PAPOLG: variants seen among roughly 807,000 people sequenced by gnomAD.
PAPOLG encodes the protein PAP-gamma.
In PAPOLG, 40 loss-of-function variants were observed where a neutral mutation model predicts 99.0. The ratio of observed to expected loss-of-function variants is 0.40; its 90% CI spans 0.31 to 0.53. The LOEUF is 0.53. Among genes scored for constraint, PAPOLG ranks in the 20% least tolerant of loss-of-function variants. The probability of loss-of-function intolerance (pLI) is 0.41; values close to 1 mark genes in which losing one functional copy is unlikely to be tolerated. For missense variants in PAPOLG, 675 were observed against 884.1 expected (o/e 0.76, Z 3.00); for synonymous variants, 310 against 299.3 (o/e 1.04, Z -0.37).
chr2:60,764,417 A>C (rs1013381750), intron 3 of PAPOLG, among the ~76,000 whole-genome samples: 1 of 140,340 alleles, frequency 7.1e-6, no homozygotes, highest in African/African-American at 2.6e-5. Context: ...ACAACTGCAG[A>C]TTTTTTTTTT....
At chr2:60,782,587 G>A (rs1671223357) in intron 11 of PAPOLG, 99 bp from the exon 12 acceptor site, 8 of 1,354,006 alleles carry the variant, frequency 5.9e-6, no homozygotes, top group African/African-American at 1.6e-5. Flanking sequence ...TTCGTCTGGT[G>A]GAGTTTGAGA....
At chr2:60,770,874 T>C (rs913435614) in intron 6 of PAPOLG, among the ~76,000 whole-genome samples, 2 of 152,126 alleles carry the variant, frequency 1.3e-5, no homozygotes, top group African/African-American at 2.4e-5. Flanking sequence ...CCGCCCACCT[T>C]GGCCTCCCAA....
chr2:60,770,665 C>G (rs1670825797), intron 6 of PAPOLG, among the ~76,000 whole-genome samples, 154 bp downstream of exon 6: 1 of 151,120 alleles, frequency 6.6e-6, no homozygotes, highest in South Asian at 2.1e-4. Context: ...ACTCTATGGC[C>G]AAGGCTGGAG....
At position 60,794,741 on chromosome 2, in the gene PAPOLG, C is replaced by T; in HGVS notation, c.2021C>T (p.Pro674Leu). Residue 674 changes from proline to leucine, a missense_variant, in exon 20 of 22, where the codon CCC becomes CTC. Physicochemically the swap from Pro to Leu is moderately conservative, Grantham distance 98. Around this residue, in one of 3 missense-constraint regions of PAPOLG, gnomAD observed 413 missense variants for 460.5 expected, o/e 0.90. Transcript: ENST00000238714. ...CGACTTGAATCAACATTTAAGGACC[C>T]CCGCACTGCTGAAGAAAGAAAAAGA... is the stretch of plus-strand genomic sequence containing the variant. ...FIRLESTFKD[P>L]RTAEERKRKS... The T allele has an allele frequency of 1.9e-6, 3 of 1,611,012 alleles. No individual in the cohort carries two copies. The highest frequency in any genetic ancestry group is 2.5e-6 in the Non-Finnish European group (3 of 1,177,468).
chr2:60,780,903 T>C (rs547241431), intron 10 of PAPOLG, 124 bp downstream of exon 10: 2 of 711,054 alleles, frequency 2.8e-6, no homozygotes, highest in South Asian at 1.8e-5. Flanking sequence ...TATAGTCCCC[T>C]TCCTCCTTCT....
intron 19 of PAPOLG, chr2:60,794,413 G>A (rs1401779862): frequency 3.3e-6 from 2 of 597,582 alleles, no homozygotes; most frequent in African/African-American, 3.7e-5. Flanking sequence ...ATTTACAGAA[G>A]TCATTACTGA....
intron 15 of PAPOLG, among the ~76,000 whole-genome samples, chr2:60,790,183 T>TA (rs1671487343): frequency 6.6e-6 from 1 of 152,196 alleles, no homozygotes. Flanking sequence ...ATCTGCAACT[T>TA]AAACAAGCAC....
intron 7 of PAPOLG, among the ~76,000 whole-genome samples, chr2:60,772,339 C>T (rs192352921): frequency 6.6e-6 from 1 of 151,264 alleles, no homozygotes; most frequent in Non-Finnish European, 1.5e-5. Context: ...TCCAGCTACT[C>T]AGGAGGCTGA....
intron 4 of PAPOLG, 93 bp from the exon 5 acceptor site, chr2:60,768,688 T>A: frequency 7.4e-7 from 1 of 1,358,590 alleles, no homozygotes; most frequent in Non-Finnish European, 1.0e-6. Context: ...GTACTCAACT[T>A]CCATACTTTC....
Position 60,779,681 on chromosome 2 carries a change from T to C in PAPOLG, c.739T>C (p.Ser247Pro). ...SNMLGFLGGV[S>P]WAMLVARTCQ... is the part of the protein sequence containing the mutation. ...CATGCTAGGATTCCTTGGTGGTGTC[T>C]CCTGGGCAATGCTAGTTGCAAGAAC... The change falls in exon 9 of 22, where the codon TCC (serine) becomes CCC (proline). Residue 247 changes from serine to proline, a missense_variant. Physicochemically the swap from Ser to Pro is moderately conservative, Grantham distance 74 (BLOSUM62 -1). This residue lies in a region of PAPOLG where 113 missense variants were observed against 231.5 expected (regional missense o/e 0.49). Coordinates refer to ENST00000238714, the MANE Select transcript of PAPOLG (RefSeq NM_022894.4). The C allele has an allele frequency of 6.2e-7, 1 of 1,613,716 alleles. No individual in the cohort carries two copies. The highest frequency in any genetic ancestry group is 1.1e-5 in the South Asian group (1 of 91,070).
At chr2:60,788,287 C>CT (rs754209232) in intron 15 of PAPOLG, among the ~76,000 whole-genome samples, 86 of 152,128 alleles carry the variant, frequency 5.7e-4, no homozygotes, top group African/African-American at 2.0e-3. Context: ...CTCTTCAACG[C>CT]TTTAAGTTTT....
chr2:60,779,600 G>A lies in PAPOLG; in HGVS notation c.695-37G>A, dbSNP rs752461093. Reference sequence around the variant, plus strand: ...AAAAAAAGAATGTCACAGATAGTAGGTCCTAATAATAATTAACAAATATAT... The same window carrying A: ...AAAAAAAGAATGTCACAGATAGTAGATCCTAATAATAATTAACAAATATAT... On this transcript the variant is annotated intron_variant, in intron 8 of 21. Coordinates refer to ENST00000238714, the MANE Select transcript of PAPOLG (RefSeq NM_022894.4). 3.2e-6 allele frequency: 5 copies of A among 1,584,000 alleles called. No individual in the cohort carries two copies. In the South Asian group the frequency reaches 4.6e-5, roughly 14 times the overall value.
intron 11 of PAPOLG, among the ~76,000 whole-genome samples, chr2:60,782,354 G>C (rs1237155309): frequency 2.6e-5 from 4 of 152,054 alleles, no homozygotes; most frequent in African/African-American, 9.7e-5. Flanking sequence ...ATGACCTGAG[G>C]TCAGGAGTTC....
chr2:60,768,796 C>A lies in PAPOLG; in HGVS notation c.344C>A (p.Ala115Glu). Residue 115 changes from alanine to glutamate, a missense_variant, in exon 5 of 22, where the codon GCA becomes GAA. Ala to Glu is a moderately radical substitution (Grantham distance 107). This residue lies in a region of PAPOLG where 149 missense variants were observed against 192.1 expected (regional missense o/e 0.78). Transcript: ENST00000238714. ...GVHTKGADID[A>E]LCVAPRHVER... The stretch of plus-strand genomic sequence containing the variant: ...TAATTTACAGGAGCTGACATTGATG[C>A]ACTTTGTGTAGCTCCAAGACATGTG... 1 of 1,568,464 alleles carries A rather than the reference C, an allele frequency of 6.4e-7. No homozygotes were observed.
intron 19 of PAPOLG, 149 bp downstream of exon 19, chr2:60,794,340 C>T: frequency 2.4e-6 from 2 of 833,036 alleles, no homozygotes; most frequent in Non-Finnish European, 3.6e-6. Context: ...ATTAATTGCT[C>T]ATCCTAAATT....
In PAPOLG at chr2:60,782,756, C is replaced by G; in HGVS notation, c.1098C>G (p.Phe366Leu). The part of the protein sequence containing the change: ...DWSKLLEPPN[F>L]FQKYRHYIVL... ...CCAAACTACTTGAGCCACCGAATTT[C>G]TTTCAAAAGTATAGGTACGTGAAAT... The change falls in exon 12 of 22, where the codon TTC becomes TTG. Residue 366 changes from phenylalanine (F) to leucine (L), a missense_variant. By Grantham distance (22) the Phe-to-Leu change is conservative. Around this residue, in one of 3 missense-constraint regions of PAPOLG, gnomAD observed 413 missense variants for 460.5 expected, o/e 0.90. Coordinates refer to ENST00000238714, the MANE Select transcript of PAPOLG (RefSeq NM_022894.4). The G allele has an allele frequency of 7.0e-7, 1 of 1,426,034 alleles. No homozygotes were observed. The highest frequency in any genetic ancestry group is 9.2e-7 in the Non-Finnish European group (1 of 1,085,240). The allele number at this position is 1,426,034 out of a possible 1,614,324, so 88.3% of individuals were successfully genotyped here. A position where few individuals can be genotyped will look rare whatever the true frequency, so the allele number is the denominator to read the frequency against.
rs1230310785 is a variant in PAPOLG at position 60,794,081 on chromosome 2, G to A, written c.1879G>A (p.Gly627Arg). Reference sequence around the variant, plus strand: ...CACAACACCTCACAACCCTGCCCAGGGACAACCGCATCTGAATGGAATGTC... The same window carrying A: ...CACAACACCTCACAACCCTGCCCAGAGACAACCGCATCTGAATGGAATGTC... ...RITTPHNPAQ[G>R]QPHLNGMSNI... Residue 627 changes from glycine (G) to arginine (R), a missense_variant, in exon 19 of 22, where the codon GGA becomes AGA. Around this residue, in one of 3 missense-constraint regions of PAPOLG, gnomAD observed 413 missense variants for 460.5 expected, o/e 0.90. Transcript: ENST00000238714. 1 of 1,614,072 alleles carries A rather than the reference G, an allele frequency of 6.2e-7. No homozygotes were observed. Among genetic ancestry groups the A allele is most frequent in the South Asian group, 1.1e-5 (1 of 91,078 alleles).
intron 8 of PAPOLG, among the ~76,000 whole-genome samples, chr2:60,777,321 T>G (rs562122075): frequency 2.7e-4 from 41 of 152,174 alleles, no homozygotes; most frequent in African/African-American, 9.4e-4. Flanking sequence ...CCGAGTGTGG[T>G]GGCACGTGCC....
chr2:60,760,276 G>A lies in PAPOLG; in HGVS notation c.160G>A (p.Glu54Lys), dbSNP rs762135805. 5 of 1,612,914 alleles carry A rather than the reference G, an allele frequency of 3.1e-6. No individual in the cohort carries two copies. In the African/African-American group the frequency reaches 5.3e-5, roughly 17 times the overall value. The change falls in exon 2 of 22, where the codon GAG becomes AAG. Residue 54 changes from glutamate to lysine, a missense_variant. Glu to Lys is a moderately conservative substitution (Grantham distance 56). Transcript: ENST00000238714. ...GAAACCATTTGGAGTGTTTGAAGAT[G>A]AGGAAGAATTGAACCACAGGTATGT... ...AMKPFGVFED[E>K]EELNHRLVVL...
Sources: gnomAD v4.1 joint callset for allele counts (sites outside exome capture counted in the v4.1 genomes callset) on GRCh38, gnomAD v4.1.1 for gene constraint, gnomAD v4.1.1 regional missense constraint, MANE v1.5 for transcripts, NCBI Gene and HGNC (gene_info 2026-07-23, HGNC 2026-07-21) for gene names.